GRID2: variants seen among roughly 807,000 people sequenced by gnomAD.
GRID2 encodes the protein glutamate receptor ionotropic, delta-2.
In GRID2, 33 loss-of-function variants were observed where a neutral mutation model predicts 114.8. The ratio of observed to expected loss-of-function variants is 0.29; its 90% CI spans 0.22 to 0.38. The LOEUF (loss-of-function observed/expected upper bound fraction) is 0.38, where lower values mean the gene tolerates loss of function less well. Among genes scored for constraint, GRID2 ranks in the 10% least tolerant of loss-of-function variants. The pLI is 1.00. For synonymous variants in GRID2, 505 were observed against 449.9 expected (o/e 1.12, Z -1.55); for missense variants, 1,184 against 1,257.7 (o/e 0.94, Z 0.89).
chr4:92,971,399 C>T (rs572671046), intron 2 of GRID2, among the ~76,000 whole-genome samples: 2 of 151,872 alleles, frequency 1.3e-5, no homozygotes, highest in African/African-American at 4.8e-5. Flanking sequence ...GTTAAAATTG[C>T]TAGTTTTTTT....
chr4:92,963,329 C>A (rs1309979589), intron 2 of GRID2, among the ~76,000 whole-genome samples: 2 of 152,022 alleles, frequency 1.3e-5, no homozygotes, highest in Non-Finnish European at 2.9e-5. Context: ...GGTAGAACTT[C>A]TTTCAAAATT....
chr4:92,529,932 A>G (rs1463668216), intron 1 of GRID2, among the ~76,000 whole-genome samples: 1 of 152,112 alleles, frequency 6.6e-6, no homozygotes, highest in East Asian at 1.9e-4. Context: ...ACAATTACAT[A>G]TGGGTGAGAA....
At chr4:92,880,259 G>T (rs1264017746) in intron 2 of GRID2, among the ~76,000 whole-genome samples, 1 of 152,134 alleles carries the variant, frequency 6.6e-6, no homozygotes, top group Non-Finnish European at 1.5e-5. Flanking sequence ...GCTTGCACTT[G>T]ATTACCTATT....
intron 2 of GRID2, among the ~76,000 whole-genome samples, chr4:92,716,159 A>G (rs114077423): frequency 0.012 from 1,793 of 152,304 alleles, 26 homozygotes; most frequent in African/African-American, 0.041. Context: ...AATTCACTAA[A>G]TGAATACAAC....
At chr4:92,380,341 G>A (rs568877017) in intron 1 of GRID2, among the ~76,000 whole-genome samples, 3 of 151,798 alleles carry the variant, frequency 2.0e-5, no homozygotes, top group South Asian at 2.1e-4. Context: ...TATTTTTGAA[G>A]ACATTGCTTA....
intron 1 of GRID2, among the ~76,000 whole-genome samples, chr4:92,560,036 C>T (rs1727036250): frequency 6.6e-6 from 1 of 152,072 alleles, no homozygotes; most frequent in Non-Finnish European, 1.5e-5. Flanking sequence ...ATATCTTTGG[C>T]CTTATATCAT....
chr4:92,384,453 T>TATATA (rs1729777050), intron 1 of GRID2, among the ~76,000 whole-genome samples: 2 of 43,010 alleles, frequency 4.7e-5, no homozygotes, highest in Admixed American at 5.9e-4. Context: ...TATATATATA[T>TATATA]ATATATATAT....
At chr4:93,464,488 A>G (rs1724076663) in intron 11 of GRID2, among the ~76,000 whole-genome samples, 1 of 112,652 alleles carries the variant, frequency 8.9e-6, no homozygotes, top group African/African-American at 5.4e-5. Flanking sequence ...CCCCATCTTC[A>G]ACTTTAAAAA....
chr4:92,724,813 A>G (rs916768833), intron 2 of GRID2, among the ~76,000 whole-genome samples: 3 of 152,204 alleles, frequency 2.0e-5, no homozygotes. Flanking sequence ...AATAAGTACC[A>G]TGGAAATACT....
At chr4:92,928,903 G>A (rs1750024351) in intron 2 of GRID2, among the ~76,000 whole-genome samples, 3 of 151,376 alleles carry the variant, frequency 2.0e-5, no homozygotes, top group African/African-American at 7.3e-5. Flanking sequence ...ACATATAGCA[G>A]TTTTTGATTT....
At chr4:92,321,006 C>A (rs751935807) in intron 1 of GRID2, among the ~76,000 whole-genome samples, 2 of 151,930 alleles carry the variant, frequency 1.3e-5, no homozygotes, top group African/African-American at 2.4e-5. Flanking sequence ...TTCATAATTT[C>A]TTTTATAGTT....
At chr4:93,745,908 A>C (rs1264686083) in intron 14 of GRID2, among the ~76,000 whole-genome samples, 4 of 152,154 alleles carry the variant, frequency 2.6e-5, no homozygotes, top group Non-Finnish European at 5.9e-5. Flanking sequence ...GAAAAACATT[A>C]AACAATGATT....
chr4:92,445,777 A>G (rs533398393), intron 1 of GRID2, among the ~76,000 whole-genome samples: 1 of 152,328 alleles, frequency 6.6e-6, no homozygotes, highest in East Asian at 1.9e-4. Flanking sequence ...TAATTTATTT[A>G]TTGAATAATC....
chr4:93,353,736 CAAGA>C (rs1398014602), intron 8 of GRID2, among the ~76,000 whole-genome samples: 2 of 151,832 alleles, frequency 1.3e-5, no homozygotes, highest in African/African-American at 4.8e-5. Flanking sequence ...ATGCGTAATA[CAAGA>C]AAGATAATAA....
At chr4:92,363,460 G>A (rs915468736) in intron 1 of GRID2, among the ~76,000 whole-genome samples, 2 of 151,908 alleles carry the variant, frequency 1.3e-5, no homozygotes, top group African/African-American at 4.8e-5. Flanking sequence ...AGGAGGACAT[G>A]TTTGATAAGA....
At chr4:93,101,443 G>T (rs191946889) in intron 3 of GRID2, among the ~76,000 whole-genome samples, 29 of 151,890 alleles carry the variant, frequency 1.9e-4, no homozygotes, top group African/African-American at 6.5e-4. Context: ...TTGGCCCCTG[G>T]TCATCACCAG....
chr4:92,434,037 C>A (rs780671369), intron 1 of GRID2, among the ~76,000 whole-genome samples: 17 of 152,180 alleles, frequency 1.1e-4, no homozygotes, highest in Non-Finnish European at 1.9e-4. Context: ...AATTGTTACA[C>A]AATTCACGAT....
chr4:93,731,991 A>G (rs1254548931), intron 14 of GRID2, among the ~76,000 whole-genome samples: 1 of 152,206 alleles, frequency 6.6e-6, no homozygotes, highest in African/African-American at 2.4e-5. Flanking sequence ...ATAAATTTAC[A>G]TAATTTATTA....
intron 2 of GRID2, among the ~76,000 whole-genome samples, chr4:92,957,371 G>A (rs917663040): frequency 6.6e-6 from 1 of 151,918 alleles, no homozygotes; most frequent in East Asian, 1.9e-4. Flanking sequence ...TTCTCCAGGT[G>A]GTTGTCTAGT....
Sources: allele counts gnomAD v4.1 joint callset (sites outside exome capture counted in the v4.1 genomes callset), GRCh38; gene constraint gnomAD v4.1.1; transcripts MANE v1.5; gene names NCBI Gene and HGNC (gene_info 2026-07-23, HGNC 2026-07-21).